LMBR1: variants seen among roughly 807,000 people sequenced by gnomAD.
LMBR1 encodes limb region 1 protein homolog.
In LMBR1, 52 loss-of-function variants were observed where a neutral mutation model predicts 73.9. That is an observed-to-expected ratio of 0.70 (90% CI 0.56 to 0.89). LMBR1 has a LOEUF of 0.89. Ranked by LOEUF, LMBR1 falls within the 40% of genes least tolerant of loss-of-function variation. The probability of loss-of-function intolerance (pLI) is 0.00; values close to 1 mark genes in which losing one functional copy is unlikely to be tolerated. For synonymous variants in LMBR1, 215 were observed against 209.4 expected (o/e 1.03, Z -0.23); for missense variants, 539 against 579.8 (o/e 0.93, Z 0.72).
intron 1 of LMBR1, among the ~76,000 whole-genome samples, chr7:156,850,921 C>G (rs1796149768): frequency 6.6e-6 from 1 of 152,136 alleles, no homozygotes; most frequent in South Asian, 2.1e-4. Flanking sequence ...TGGTGCCCTC[C>G]CCTTGGTGAT....
chr7:156,843,116 T>C (rs977007221), intron 1 of LMBR1, among the ~76,000 whole-genome samples: 2 of 152,142 alleles, frequency 1.3e-5, no homozygotes, highest in Non-Finnish European at 2.9e-5. Context: ...CCCTCTCTGT[T>C]GTTCTCCCAG....
At chr7:156,839,576 TTG>T (rs1347304665) in intron 1 of LMBR1, among the ~76,000 whole-genome samples, 1 of 152,144 alleles carries the variant, frequency 6.6e-6, no homozygotes, top group Non-Finnish European at 1.5e-5. Flanking sequence ...AGAATATCCC[TTG>T]TGTGTATTTC....
At chr7:156,671,033 T>A (rs548897120) in intron 4 of LMBR1, among the ~76,000 whole-genome samples, 4 of 152,326 alleles carry the variant, frequency 2.6e-5, no homozygotes, top group Non-Finnish European at 5.9e-5. Context: ...GATCCTTGTA[T>A]TGGTTCGAGG....
chr7:156,718,110 C>G (rs1215351025), intron 15 of LMBR1, among the ~76,000 whole-genome samples: 1 of 152,056 alleles, frequency 6.6e-6, no homozygotes, highest in Non-Finnish European at 1.5e-5. Flanking sequence ...ATTAAGAATA[C>G]TCAGCCTGGC....
chr7:156,858,582 A>G (rs562517251), intron 1 of LMBR1, among the ~76,000 whole-genome samples: 5 of 152,334 alleles, frequency 3.3e-5, no homozygotes, highest in African/African-American at 1.2e-4. Flanking sequence ...TTACCCTAAT[A>G]CCAAAATGAA....
At chr7:156,744,360 T>G (rs961258385) in intron 9 of LMBR1, among the ~76,000 whole-genome samples, 3 of 152,094 alleles carry the variant, frequency 2.0e-5, no homozygotes, top group East Asian at 1.9e-4. Context: ...TTTTTTCCAT[T>G]GTTCTTGGAA....
At chr7:156,861,011 T>C (rs1387945255) in intron 1 of LMBR1, among the ~76,000 whole-genome samples, 1 of 152,246 alleles carries the variant, frequency 6.6e-6, no homozygotes, top group African/African-American at 2.4e-5. Context: ...TTCTGGGGTC[T>C]GGAGGATGGT....
intron 9 of LMBR1, among the ~76,000 whole-genome samples, chr7:156,755,154 G>C (rs1821618026): frequency 6.6e-6 from 1 of 152,200 alleles, no homozygotes; most frequent in South Asian, 2.1e-4. Context: ...CCAGTGAGGT[G>C]TTTTTACTGA....
chr7:156,875,167 T>G (rs1432620808), intron 1 of LMBR1, among the ~76,000 whole-genome samples: 1 of 152,160 alleles, frequency 6.6e-6, no homozygotes, highest in African/African-American at 2.4e-5. Flanking sequence ...CTGGAAAGTC[T>G]CAGCAATAGA....
intron 9 of LMBR1, among the ~76,000 whole-genome samples, chr7:156,739,938 T>C (rs1818590861): frequency 6.6e-6 from 1 of 151,926 alleles, no homozygotes; most frequent in South Asian, 2.1e-4. Flanking sequence ...GAAAGAGAAA[T>C]ATATAACCTT....
At chr7:156,769,739 G>A (rs1453308128) in intron 5 of LMBR1, among the ~76,000 whole-genome samples, 1 of 152,176 alleles carries the variant, frequency 6.6e-6, no homozygotes, top group Non-Finnish European at 1.5e-5. Context: ...CTTATGGATG[G>A]ATGTTGCATA....
At chr7:156,736,846 T>C (rs1157839965) in intron 9 of LMBR1, among the ~76,000 whole-genome samples, 1 of 152,206 alleles carries the variant, frequency 6.6e-6, no homozygotes, top group African/African-American at 2.4e-5. Context: ...ATTTTCTATG[T>C]ACTTAACACA....
chr7:156,842,986 G>A (rs1279569481), intron 1 of LMBR1, among the ~76,000 whole-genome samples: 3 of 152,094 alleles, frequency 2.0e-5, no homozygotes, highest in Non-Finnish European at 2.9e-5. Context: ...ACTCCTTCCA[G>A]CCACTCATCA....
intron 15 of LMBR1, among the ~76,000 whole-genome samples, chr7:156,702,206 T>C (rs1040011022): frequency 1.3e-5 from 2 of 152,226 alleles, no homozygotes; most frequent in African/African-American, 4.8e-5. Flanking sequence ...CCACACTGTC[T>C]TCCACAATGG....
chr7:156,697,041 G>C (rs959546757), intron 15 of LMBR1, among the ~76,000 whole-genome samples: 14 of 146,462 alleles, frequency 9.6e-5, no homozygotes, highest in African/African-American at 3.7e-4. Flanking sequence ...CATAAGTGTA[G>C]GCCAGCTGAG....
intron 3 of LMBR1, among the ~76,000 whole-genome samples, chr7:156,830,149 C>T (rs1836421780): frequency 6.6e-6 from 1 of 152,136 alleles, no homozygotes; most frequent in Admixed American, 6.5e-5. Context: ...AACTCTTTCC[C>T]CAACTTCTAC....
intron 4 of LMBR1, among the ~76,000 whole-genome samples, chr7:156,806,295 T>C (rs1375817318): frequency 6.6e-6 from 1 of 152,218 alleles, no homozygotes; most frequent in African/African-American, 2.4e-5. Flanking sequence ...TGCCAGTATA[T>C]AGAAATATAA....
At chr7:156,742,654 T>C (rs916096204) in intron 9 of LMBR1, among the ~76,000 whole-genome samples, 1 of 152,168 alleles carries the variant, frequency 6.6e-6, no homozygotes, top group Non-Finnish European at 1.5e-5. Context: ...CAGGACCTGG[T>C]GGCTTCACTG....
At chr7:156,839,004 A>ATCTGTATGTCT (rs1838162049) in intron 1 of LMBR1, among the ~76,000 whole-genome samples, 1 of 145,844 alleles carries the variant, frequency 6.9e-6, no homozygotes, top group Non-Finnish European at 1.5e-5. Context: ...CCTATTGGCC[A>ATCTGTATGTCT]TCTGTATGTC....
Sources: allele counts gnomAD v4.1 joint callset (sites outside exome capture counted in the v4.1 genomes callset), GRCh38; gene constraint gnomAD v4.1.1; transcripts MANE v1.5; gene names NCBI Gene and HGNC (gene_info 2026-07-23, HGNC 2026-07-21).